Variants in RBFOX3 observed in about 807,000 individuals in gnomAD.
RBFOX3 encodes the protein RNA binding fox-1 homolog 3, also known as RNA binding protein fox-1 homolog 3.
RBFOX3 carries 17 observed loss-of-function variants against 48.7 expected under a neutral mutation model. The ratio of observed to expected loss-of-function variants is 0.35; its 90% CI spans 0.24 to 0.52. RBFOX3 has a LOEUF of 0.52. RBFOX3 is among the 20% of genes least tolerant of loss of function. The probability of loss-of-function intolerance (pLI) is 0.94; values close to 1 mark genes in which losing one functional copy is unlikely to be tolerated. For synonymous variants in RBFOX3, 212 were observed against 209.5 expected, an observed-to-expected ratio of 1.01 and a Z score of -0.10; for missense variants, 382 against 497.5, an observed-to-expected ratio of 0.77 and a Z score of 2.21.
intron 1 of RBFOX3, among the ~76,000 whole-genome samples, chr17:79,565,180 A>G (rs1374915990): frequency 1.3e-5 from 2 of 152,232 alleles, no homozygotes; most frequent in African/African-American, 4.8e-5. Context: ...CCAAAATGTT[A>G]AAGTAGTTAT....
chr17:79,284,752 C>T (rs955156625), intron 3 of RBFOX3, among the ~76,000 whole-genome samples: 1 of 152,108 alleles, frequency 6.6e-6, no homozygotes, highest in African/African-American at 2.4e-5. Context: ...GTTGTCCAGG[C>T]TGGTGTCGAA....
Position 79,199,826 on chromosome 17 carries a change from G to C in RBFOX3, c.-34+35940C>G, listed in dbSNP as rs545437907. ...AGGAGAGTGTCTATTCTACAGTACC[G>C]CTCTAAAGCTTCCCACATCTCAGTT... On this transcript the variant is annotated intron_variant, in intron 4 of 14. Transcript: ENST00000693108. The surrounding 1 kb of genome is among the most constrained non-coding windows in gnomAD (Gnocchi z 5.1). Among the ~76,000 whole-genome samples the C allele has an allele frequency of 2.0e-5, 3 of 152,056 alleles. No individual in the cohort carries two copies. The highest frequency in any genetic ancestry group is 7.2e-5 in the African/African-American group (3 of 41,396).
intron 3 of RBFOX3, among the ~76,000 whole-genome samples, chr17:79,238,485 G>A (rs949288542): frequency 6.6e-6 from 1 of 152,166 alleles, no homozygotes; most frequent in Non-Finnish European, 1.5e-5. Context: ...GAACACCTCC[G>A]TGTCCCCTGT....
intron 1 of RBFOX3, among the ~76,000 whole-genome samples, chr17:79,543,485 C>G (rs981579441): frequency 6.6e-5 from 10 of 152,080 alleles, no homozygotes; most frequent in Non-Finnish European, 1.0e-4. Flanking sequence ...AGGTACTCAA[C>G]ACCCCTACGT....
chr17:79,387,295 A>G (rs1340769654), intron 2 of RBFOX3, among the ~76,000 whole-genome samples: 3 of 152,194 alleles, frequency 2.0e-5, no homozygotes, highest in African/African-American at 2.4e-5. Context: ...TGTGCTTTTC[A>G]TCACAAAAAA....
intron 1 of RBFOX3, among the ~76,000 whole-genome samples, chr17:79,536,130 G>A (rs542448743): frequency 1.3e-5 from 2 of 152,158 alleles, no homozygotes; most frequent in African/African-American, 4.8e-5. Flanking sequence ...AGACTGGAGT[G>A]CAGTGGCGTG....
intron 3 of RBFOX3, among the ~76,000 whole-genome samples, chr17:79,296,578 C>A (rs2074373991): frequency 6.6e-6 from 1 of 152,026 alleles, no homozygotes; most frequent in Non-Finnish European, 1.5e-5. Flanking sequence ...CAGGAAAATG[C>A]CCAACGGAAG....
At chr17:79,163,629 GC>G (rs1380725346) in intron 4 of RBFOX3, among the ~76,000 whole-genome samples, 1 of 152,198 alleles carries the variant, frequency 6.6e-6, no homozygotes, top group African/African-American at 2.4e-5. Flanking sequence ...TCCTCACCCT[GC>G]CCACCCAGCA....
intron 4 of RBFOX3, among the ~76,000 whole-genome samples, chr17:79,190,023 C>T (rs1327655193): frequency 5.3e-5 from 8 of 152,230 alleles, no homozygotes; most frequent in East Asian, 3.9e-4. Flanking sequence ...AGGCATGCAC[C>T]GCTAACATCA....
At chr17:79,359,452 AC>A (rs2085871301) in intron 2 of RBFOX3, among the ~76,000 whole-genome samples, 1 of 152,150 alleles carries the variant, frequency 6.6e-6, no homozygotes, top group South Asian at 2.1e-4. Context: ...ATCCTCCCCC[AC>A]AAATTCCAAA....
chr17:79,286,059 G>C (rs1047725620), intron 3 of RBFOX3, among the ~76,000 whole-genome samples: 1 of 152,206 alleles, frequency 6.6e-6, no homozygotes, highest in African/African-American at 2.4e-5. Flanking sequence ...GCTGGCTTGA[G>C]ACCATTCCAC....
rs961846243 is a variant in RBFOX3 at position 79,198,113 on chromosome 17, G to A, written c.-34+37653C>T. Reference sequence around the variant, plus strand: ...TGCTACGGTTGCATCGTGTGGGGTGGGCTGTCATCCCGGAAGTGCTACGGT... The same window carrying A: ...TGCTACGGTTGCATCGTGTGGGGTGAGCTGTCATCCCGGAAGTGCTACGGT... On this transcript the variant is annotated intron_variant, in intron 4 of 14. Coordinates refer to ENST00000693108, the MANE Select transcript of RBFOX3 (RefSeq NM_001350451.2). This position sits in a 1 kb window ranked among gnomAD's most constrained non-coding sequence, Gnocchi z 8.2. Among the ~76,000 whole-genome samples, 2 of 151,234 alleles carry A rather than the reference G, an allele frequency of 1.3e-5. No individual in the cohort carries two copies. The highest frequency in any genetic ancestry group is 4.9e-5 in the African/African-American group (2 of 40,892).
At chr17:79,472,918 G>GT (rs2077228543) in intron 2 of RBFOX3, among the ~76,000 whole-genome samples, 1 of 152,064 alleles carries the variant, frequency 6.6e-6, no homozygotes, top group Admixed American at 6.5e-5. Flanking sequence ...TCTTTGTTTT[G>GT]TTTTTTGAGA....
At chr17:79,513,885 T>C (rs1244665397) in intron 1 of RBFOX3, among the ~76,000 whole-genome samples, 2 of 152,198 alleles carry the variant, frequency 1.3e-5, no homozygotes, top group South Asian at 4.1e-4. Flanking sequence ...GGCCTGCCCC[T>C]GCACATCTGG....
At chr17:79,620,141 GCA>G in the RBFOX3 span, among the ~76,000 whole-genome samples, 41,162 of 136,248 alleles carry the variant, frequency 0.3, 6,264 homozygotes, top group East Asian at 0.43. Flanking sequence ...ATGCACACGC[GCA>G]CACACATGCA....
chr17:79,167,031 G>C (rs1189299824), intron 4 of RBFOX3, among the ~76,000 whole-genome samples: 2 of 152,176 alleles, frequency 1.3e-5, no homozygotes, highest in East Asian at 3.9e-4. Context: ...AGAGAGCCCA[G>C]CTCTCTCAAG....
upstream of RBFOX3, among the ~76,000 whole-genome samples, chr17:79,614,949 G>A (rs1037985600): frequency 4.6e-3 from 692 of 151,794 alleles, 4 homozygotes; most frequent in Non-Finnish European, 5.2e-3. Flanking sequence ...GAGAAGAAAG[G>A]AAATCATCAA....
chr17:79,209,447 A>C (rs1339132134), intron 4 of RBFOX3, among the ~76,000 whole-genome samples: 1 of 152,104 alleles, frequency 6.6e-6, no homozygotes, highest in Non-Finnish European at 1.5e-5. Flanking sequence ...ACCAAACGGA[A>C]CTCCCACTTC....
the RBFOX3 span, among the ~76,000 whole-genome samples, chr17:79,618,778 C>T: frequency 6.6e-6 from 1 of 152,150 alleles, no homozygotes; most frequent in Non-Finnish European, 1.5e-5. Context: ...GTAGGCAAAG[C>T]GTCTGAATGT....
Sources: allele counts gnomAD v4.1 joint callset (sites outside exome capture counted in the v4.1 genomes callset), GRCh38; gene constraint gnomAD v4.1.1; non-coding constraint Gnocchi (gnomAD v3.1); transcripts MANE v1.5; gene names NCBI Gene and HGNC (gene_info 2026-07-23, HGNC 2026-07-21).